The following COL4A2 variants were observed in gnomAD, a reference collection of about 807,000 sequenced individuals.
The protein encoded by COL4A2 is collagen alpha-2(IV) chain.
In COL4A2, 99 loss-of-function variants were observed where a neutral mutation model predicts 200.2. The ratio of observed to expected loss-of-function variants is 0.49; its 90% CI spans 0.42 to 0.58. The LOEUF is 0.58. COL4A2 is among the 20% of genes least tolerant of loss of function. COL4A2 has a pLI of 0.00. For missense variants in COL4A2, 1,950 were observed against 2,314.1 expected (o/e 0.84, Z 3.23); for synonymous variants, 897 against 900.6 (o/e 1.00, Z 0.07).
In COL4A2 at chr13:110,484,093, G is replaced by A. The variant is rs531634848; in HGVS notation, c.2903-812G>A. Among the ~76,000 whole-genome samples, 16 of 35,158 alleles carry A rather than the reference G, an allele frequency of 4.6e-4. No individual in the cohort carries two copies. The South Asian group carries it at 1.0e-2, about 22-fold the overall frequency. The allele number at this position is 35,158 out of a possible 152,430, so 23.1% of individuals were successfully genotyped here. A position where few individuals can be genotyped will look rare whatever the true frequency, so the allele number is the denominator to read the frequency against. ...TTAGCAGAGATTTCAGGCTATTTCA[G>A]GCAAAAAAAAAAAATGACATTTTAA... is the stretch of plus-strand genomic sequence containing the variant. On this transcript the variant is annotated intron_variant, in intron 32 of 47. Transcript: ENST00000360467.
rs529118294 is a variant in COL4A2, at chr13:110,379,651, G to A, written c.180+22099G>A. On this transcript the variant is annotated intron_variant, in intron 4 of 47. Coordinates refer to ENST00000360467, the MANE Select transcript of COL4A2 (RefSeq NM_001846.4). ...ACCATGGAGCTGGGGTGCTGGGGTC[G>A]GAGTACTCCCCATGGACCCCCATTC... 3.9e-5 allele frequency among the ~76,000 whole-genome samples: 6 copies of A among 152,276 alleles called. No homozygotes were observed. The South Asian group carries it at 1.0e-3, about 26-fold the overall frequency.
intron 31 of COL4A2, among the ~76,000 whole-genome samples, chr13:110,481,292 G>C (rs61968358): frequency 7.0e-5 from 1 of 14,216 alleles, no homozygotes; most frequent in African/African-American, 2.9e-4. Context: ...CTGTCCTTCC[G>C]TTGCTGGAGA....
chr13:110,459,182 G>A, intron 22 of COL4A2: 1 of 387,726 alleles, frequency 2.6e-6, no homozygotes, highest in Non-Finnish European at 4.6e-6. Context: ...GTTCAATAGG[G>A]GGTCACCACG....
Position 110,446,737 on chromosome 13 carries a change from G to A in COL4A2, c.1012-61G>A, listed in dbSNP as rs549969125. On this transcript the variant is annotated intron_variant, in intron 17 of 47. Transcript: ENST00000360467. ...TCGGGTTTCTTCTTTGGAAATATGT[G>A]TACTGTCAAAAACTCCAAAAGGCTA... 3.9e-5 allele frequency: 56 copies of A among 1,429,780 alleles called. No homozygotes were observed. In the South Asian group the frequency reaches 6.6e-4, roughly 17 times the overall value. 88.6% of individuals were successfully genotyped at this position (1,429,780 alleles called of 1,614,324 possible).
chr13:110,444,188 G>T (rs916525696), intron 16 of COL4A2, among the ~76,000 whole-genome samples: 2 of 152,210 alleles, frequency 1.3e-5, no homozygotes, highest in African/African-American at 4.8e-5. Context: ...GGTTCAAAGT[G>T]CCCATGCTGT....
intron 3 of COL4A2, among the ~76,000 whole-genome samples, chr13:110,313,251 C>T (rs1885034992): frequency 6.6e-6 from 1 of 152,192 alleles, no homozygotes; most frequent in Non-Finnish European, 1.5e-5. Context: ...TAATGAGACC[C>T]TGTCAGGACA....
At chr13:110,459,939 T>C (rs1179661830) in intron 22 of COL4A2, among the ~76,000 whole-genome samples, 3 of 152,210 alleles carry the variant, frequency 2.0e-5, no homozygotes, top group Non-Finnish European at 4.4e-5. Flanking sequence ...TCATGGCCTT[T>C]ATTCTGTGCC....
intron 4 of COL4A2, among the ~76,000 whole-genome samples, chr13:110,383,563 A>C (rs1261116656): frequency 6.6e-6 from 1 of 151,312 alleles, no homozygotes; most frequent in Non-Finnish European, 1.5e-5. Flanking sequence ...CCAAGATGCT[A>C]ACAGGAGGAT....
At chr13:110,390,238 C>G (rs1053749602) in intron 4 of COL4A2, among the ~76,000 whole-genome samples, 3 of 152,212 alleles carry the variant, frequency 2.0e-5, no homozygotes, top group Non-Finnish European at 4.4e-5. Flanking sequence ...AGACCCACTC[C>G]CCTCCAAAGT....
intron 18 of COL4A2, among the ~76,000 whole-genome samples, chr13:110,448,552 A>G (rs1327414201): frequency 6.6e-6 from 1 of 152,256 alleles, no homozygotes; most frequent in Non-Finnish European, 1.5e-5. Context: ...CAGTAAATGT[A>G]TCTTTTTCAA....
At chr13:110,308,642 T>TG (rs1328282896) in intron 3 of COL4A2, among the ~76,000 whole-genome samples, 1 of 152,070 alleles carries the variant, frequency 6.6e-6, no homozygotes, top group Non-Finnish European at 1.5e-5. Context: ...GAGGGAACAA[T>TG]GGCAGAAAAA....
rs375560551 is a variant in COL4A2, at chr13:110,469,941, A to G, written c.2203+617A>G. On this transcript the variant is annotated intron_variant, in intron 28 of 47. Coordinates refer to ENST00000360467, the MANE Select transcript of COL4A2 (RefSeq NM_001846.4). ...TTTTTTTTTTTTTTAATGAAATGGA[A>G]TCTCGCTCTGTCACCCAGGCTGGAG... 2.3e-5 allele frequency among the ~76,000 whole-genome samples: 3 copies of G among 127,848 alleles called. No homozygotes were observed. In the South Asian group the frequency reaches 7.3e-4, roughly 31 times the overall value. The allele number at this position is 127,848 out of a possible 152,430, so 83.9% of individuals were successfully genotyped here.
chr13:110,431,674 G>T (rs1880686561), intron 10 of COL4A2, among the ~76,000 whole-genome samples: 1 of 152,270 alleles, frequency 6.6e-6, no homozygotes, highest in East Asian at 1.9e-4. Context: ...ACAACAGATT[G>T]TACTTGCTAG....
At chr13:110,386,371 C>G (rs1453880614) in intron 4 of COL4A2, among the ~76,000 whole-genome samples, 1 of 152,162 alleles carries the variant, frequency 6.6e-6, no homozygotes, top group Non-Finnish European at 1.5e-5. Flanking sequence ...AAGAGAGACT[C>G]AGGTGTGTTT....
At chr13:110,422,035 G>C (rs1466733009) in intron 4 of COL4A2, among the ~76,000 whole-genome samples, 1 of 152,158 alleles carries the variant, frequency 6.6e-6, no homozygotes, top group Non-Finnish European at 1.5e-5. Flanking sequence ...CTGCTTGTTT[G>C]GTTGGCTAAA....
chr13:110,502,403 C>T (rs1883677057), intron 41 of COL4A2, among the ~76,000 whole-genome samples: 1 of 152,230 alleles, frequency 6.6e-6, no homozygotes, highest in East Asian at 1.9e-4. Context: ...TAGCTCGCTG[C>T]AATCTCCGCC....
At chr13:110,462,560 G>C (rs1315643363) in intron 24 of COL4A2, 176 bp downstream of exon 24, 1 of 588,988 alleles carries the variant, frequency 1.7e-6, no homozygotes, top group African/African-American at 1.9e-5. Context: ...TTTAGGAAAC[G>C]GTGAATTAAG....
At chr13:110,352,367 T>C (rs1877000436) in intron 3 of COL4A2, among the ~76,000 whole-genome samples, 1 of 152,250 alleles carries the variant, frequency 6.6e-6, no homozygotes, top group African/African-American at 2.4e-5. Flanking sequence ...CTAACCATCC[T>C]CTTCTTCGCA....
intron 40 of COL4A2, among the ~76,000 whole-genome samples, chr13:110,501,056 G>C (rs1420318817): frequency 6.6e-6 from 1 of 152,212 alleles, no homozygotes; most frequent in Non-Finnish European, 1.5e-5. Flanking sequence ...CTGGATCTCA[G>C]CTGGGACTCA....
Sources: allele counts gnomAD v4.1 joint callset (sites outside exome capture counted in the v4.1 genomes callset), GRCh38; gene constraint gnomAD v4.1.1; transcripts MANE v1.5; gene names NCBI Gene and HGNC (gene_info 2026-07-23, HGNC 2026-07-21).